Variants in TPRA1 observed in about 807,000 individuals in gnomAD.
The protein encoded by TPRA1 is transmembrane protein adipocyte associated 1.
TPRA1 carries 28 observed loss-of-function variants against 40.1 expected under a neutral mutation model. The observed-to-expected ratio is 0.70, with a 90% CI of 0.52 to 0.96. The LOEUF (loss-of-function observed/expected upper bound fraction) is 0.96. TPRA1 is among the 40% of genes least tolerant of loss of function. The pLI is 0.00. For missense variants in TPRA1, 441 were observed against 482.6 expected, an observed-to-expected ratio of 0.91 and a Z score of 0.81; for synonymous variants, 219 against 209.7, an observed-to-expected ratio of 1.04 and a Z score of -0.38.
chr3:127,576,693 T>C lies in TPRA1; in HGVS notation c.422A>G (p.His141Arg). ...CTTGATGCTGGACTTACTCTCCAGG[T>C]GGCCTGGAAGAAACATGCTGGTCAG... The part of the protein sequence containing the change: ...SVIILGLAFG[H>R]LESKSSIKRV... The change falls in exon 6 of 11, where the codon CAC (histidine) becomes CGC (arginine). Residue 141 changes from histidine (H) to arginine (R), a missense_variant. His to Arg is a conservative substitution (Grantham distance 29). Transcript: ENST00000355552. The surrounding 1 kb of genome is among the most constrained non-coding windows in gnomAD (Gnocchi z 4.6). The C allele has an allele frequency of 6.2e-7, 1 of 1,609,834 alleles. No individual in the cohort carries two copies. The highest frequency in any genetic ancestry group is 8.5e-7 in the Non-Finnish European group (1 of 1,178,128).
Position 127,590,632 on chromosome 3 carries a change from G to T in TPRA1, c.-240C>A, listed in dbSNP as rs2074145751. The T allele has an allele frequency of 6.6e-6, 1 of 152,188 alleles. No homozygotes were observed. Among genetic ancestry groups the T allele is most frequent in the Non-Finnish European group, 1.5e-5 (1 of 68,032 alleles). The allele number at this position is 152,188 out of a possible 1,614,324, so 9.4% of individuals were successfully genotyped here. ...CGAGGCGGGGTCAGCTCGCCGGGCCGCGGGTCTCGCGGACACCCTGCAGCC... is the reference window on the plus strand; with the variant it reads ...CGAGGCGGGGTCAGCTCGCCGGGCCTCGGGTCTCGCGGACACCCTGCAGCC... On this transcript the variant is annotated 5_prime_UTR_variant, in exon 1 of 11. Transcript: ENST00000355552.
At chr3:127,589,532 C>T (rs551634614) in intron 1 of TPRA1, among the ~76,000 whole-genome samples, 1 of 152,252 alleles carries the variant, frequency 6.6e-6, no homozygotes, top group East Asian at 1.9e-4. Flanking sequence ...GGCTGGCAGG[C>T]GTGTGGTCCC....
At chr3:127,590,202 A>G (rs968057767) in intron 1 of TPRA1, among the ~76,000 whole-genome samples, 2 of 151,776 alleles carry the variant, frequency 1.3e-5, no homozygotes, top group Non-Finnish European at 2.9e-5. Context: ...GCCCCGAGCG[A>G]CTCCCGACTG....
upstream of TPRA1, among the ~76,000 whole-genome samples, chr3:127,591,640 T>C (rs1576403062): frequency 6.6e-6 from 1 of 152,004 alleles, no homozygotes. Context: ...CTCTAGAGGG[T>C]TTTGTGGACA....
At chr3:127,589,522 G>T (rs998920012) in intron 1 of TPRA1, among the ~76,000 whole-genome samples, 3 of 152,142 alleles carry the variant, frequency 2.0e-5, no homozygotes, top group Non-Finnish European at 4.4e-5. Flanking sequence ...TCGGCCTTGG[G>T]GCTGGCAGGC....
intron 1 of TPRA1, among the ~76,000 whole-genome samples, chr3:127,597,030 C>T (rs569949554): frequency 6.6e-6 from 1 of 151,984 alleles, no homozygotes; most frequent in East Asian, 1.9e-4. Context: ...GCACGAGAAT[C>T]GCTTGAACTT....
intron 1 of TPRA1, among the ~76,000 whole-genome samples, chr3:127,584,193 A>G (rs898907334): frequency 6.6e-5 from 10 of 150,774 alleles, no homozygotes; most frequent in African/African-American, 2.2e-4. Context: ...TAATCCCAAC[A>G]CTTTGGGAGG....
chr3:127,584,935 G>A lies in TPRA1; in HGVS notation c.-17-4772C>T, dbSNP rs1016643346. Among the ~76,000 whole-genome samples, 4 of 152,090 alleles carry A rather than the reference G, an allele frequency of 2.6e-5. 1 individual carries two copies. Among genetic ancestry groups the A allele is most frequent in the African/African-American group, 9.7e-5 (4 of 41,400 alleles). The stretch of plus-strand genomic sequence containing the variant: ...CTGGAATATAGATACGACAGTGGGA[G>A]CAAGAGCAGCCTCCTCAGACCACGA... On this transcript the variant is annotated intron_variant, in intron 1 of 10. Transcript: ENST00000355552.
chr3:127,588,164 T>C (rs1240571946), intron 1 of TPRA1: 4 of 152,288 alleles, frequency 2.6e-5, no homozygotes, highest in African/African-American at 9.7e-5. Flanking sequence ...TCTCCACCTG[T>C]GGGTCAAGAG....
chr3:127,589,914 G>T (rs533291313), intron 1 of TPRA1, among the ~76,000 whole-genome samples: 1 of 152,344 alleles, frequency 6.6e-6, no homozygotes, highest in African/African-American at 2.4e-5. Context: ...CTGCAGAGAA[G>T]AGGGCAAAGC....
chr3:127,596,660 C>T (rs528056600), intron 1 of TPRA1, among the ~76,000 whole-genome samples: 3 of 152,322 alleles, frequency 2.0e-5, no homozygotes, highest in South Asian at 2.1e-4. Context: ...TATGTCCCCT[C>T]GGCCCAAATT....
chr3:127,574,983 T>A, intron 10 of TPRA1: 1 of 619,652 alleles, frequency 1.6e-6, no homozygotes, highest in South Asian at 2.0e-5. Context: ...CACGTGTCCA[T>A]GCACATGTGG....
intron 10 of TPRA1, among the ~76,000 whole-genome samples, chr3:127,574,783 ATATG>A (rs988717492): frequency 3.3e-5 from 5 of 152,344 alleles, no homozygotes; most frequent in East Asian, 3.9e-4. Context: ...ATGTGCATAT[ATATG>A]TATGTATATG....
At chr3:127,592,367 G>GTTTTTTTTT (rs746017013), upstream of TPRA1, among the ~76,000 whole-genome samples, 3 of 88,508 alleles carry the variant, frequency 3.4e-5, no homozygotes, top group African/African-American at 8.7e-5. Context: ...GCAACATGCT[G>GTTTTTTTTT]TTTTTTTTTT....
chr3:127,579,531 T>C (rs2073756397), intron 3 of TPRA1, among the ~76,000 whole-genome samples: 1 of 152,196 alleles, frequency 6.6e-6, no homozygotes. Flanking sequence ...AGCTCAAAGT[T>C]GCTCCTGGCC....
At chr3:127,589,988 G>A (rs1233080997) in intron 1 of TPRA1, among the ~76,000 whole-genome samples, 1 of 152,252 alleles carries the variant, frequency 6.6e-6, no homozygotes, top group East Asian at 1.9e-4. Context: ...CCCCTCACGG[G>A]GCAGCAAAGC....
chr3:127,585,039 A>C (rs545165528), intron 1 of TPRA1, among the ~76,000 whole-genome samples: 1 of 152,326 alleles, frequency 6.6e-6, no homozygotes, highest in Non-Finnish European at 1.5e-5. Flanking sequence ...GCCTCCGTGC[A>C]TGTACTGGAC....
At position 127,580,031 on chromosome 3, in the gene TPRA1, C is replaced by A; in HGVS notation, c.116G>T (p.Gly39Val). The A allele has an allele frequency of 6.2e-7, 1 of 1,613,696 alleles. No individual in the cohort carries two copies. Among genetic ancestry groups the A allele is most frequent in the Non-Finnish European group, 8.5e-7 (1 of 1,180,016 alleles). The part of the protein sequence containing the change: ...RCLLLLYEDI[G>V]TSRVRYWDLL... The stretch of plus-strand genomic sequence containing the variant: ...GTTGTGACTGCCTCACCTGGAGGTG[C>A]CAATGTCTTCGTAGAGCAGCAGCAG... The change falls in exon 2 of 11, where the codon GGC becomes GTC. Residue 39 changes from glycine (G) to valine (V), a missense_variant. Gly to Val is a moderately radical substitution (Grantham distance 109). Coordinates refer to ENST00000355552, the MANE Select transcript of TPRA1 (RefSeq NM_001136053.4).
chr3:127,581,835 T>C (rs962049456), intron 1 of TPRA1, among the ~76,000 whole-genome samples: 4 of 151,284 alleles, frequency 2.6e-5, no homozygotes, highest in Admixed American at 6.6e-5. Context: ...GGCAGAAGAA[T>C]TGCATGAACC....
Sources: allele counts gnomAD v4.1 joint callset (sites outside exome capture counted in the v4.1 genomes callset), GRCh38; gene constraint gnomAD v4.1.1; non-coding constraint Gnocchi (gnomAD v3.1); transcripts MANE v1.5; gene names NCBI Gene and HGNC (gene_info 2026-07-23, HGNC 2026-07-21).